The following PRELID2 variants were observed in gnomAD, a reference collection of about 807,000 sequenced individuals.
PRELID2 encodes PRELI domain containing 2.
In PRELID2, 25 loss-of-function variants were observed where a neutral mutation model predicts 28.4. The ratio of observed to expected loss-of-function variants is 0.88; its 90% CI spans 0.64 to 1.23. The LOEUF (loss-of-function observed/expected upper bound fraction) is 1.23. Ranked by LOEUF, PRELID2 falls within the 50% of genes most tolerant of loss-of-function variation. PRELID2 has a pLI of 0.00. For missense variants in PRELID2, 201 were observed against 214.4 expected, an observed-to-expected ratio of 0.94 and a Z score of 0.39; for synonymous variants, 76 against 71.6, an observed-to-expected ratio of 1.06 and a Z score of -0.31.
At chr5:145,306,511 A>T in the PRELID2 span, among the ~76,000 whole-genome samples, 1 of 152,016 alleles carries the variant, frequency 6.6e-6, no homozygotes, top group African/African-American at 2.4e-5. Flanking sequence ...GTTACTTAAA[A>T]GAAAAACATT....
chr5:145,805,243 A>G (rs1753417042), intron 4 of PRELID2, among the ~76,000 whole-genome samples: 1 of 152,160 alleles, frequency 6.6e-6, no homozygotes, highest in Non-Finnish European at 1.5e-5. Flanking sequence ...GCATAAATTC[A>G]GTAGAGCCTT....
At chr5:145,545,145 T>C (rs997554796) in intron 1 of PRELID2, among the ~76,000 whole-genome samples, 1 of 152,128 alleles carries the variant, frequency 6.6e-6, no homozygotes, top group Non-Finnish European at 1.5e-5. Flanking sequence ...ACCTTATAGG[T>C]GAGTATTTTT....
chr5:145,694,315 G>T (rs1755210972), intron 1 of PRELID2, among the ~76,000 whole-genome samples: 1 of 152,218 alleles, frequency 6.6e-6, no homozygotes, highest in Middle Eastern at 3.4e-3. Context: ...GTCTCAATGG[G>T]ATTAAGGGTA....
the PRELID2 span, among the ~76,000 whole-genome samples, chr5:145,374,585 G>T: frequency 1.3e-5 from 2 of 152,076 alleles, no homozygotes; most frequent in African/African-American, 4.8e-5. Flanking sequence ...TTCCCAGTTT[G>T]TTTCCATTCT....
At chr5:145,367,343 T>C in the PRELID2 span, among the ~76,000 whole-genome samples, 1 of 151,946 alleles carries the variant, frequency 6.6e-6, no homozygotes, top group Non-Finnish European at 1.5e-5. Context: ...GAGCAGAAGG[T>C]ACCAAGATTT....
chr5:145,721,764 C>T (rs1228926612), intron 1 of PRELID2, among the ~76,000 whole-genome samples: 2 of 151,986 alleles, frequency 1.3e-5, no homozygotes, highest in Non-Finnish European at 2.9e-5. Context: ...TGGACACAGA[C>T]ATAACAGGAA....
the PRELID2 span, among the ~76,000 whole-genome samples, chr5:145,287,337 T>C: frequency 5.3e-5 from 8 of 152,302 alleles, no homozygotes; most frequent in Admixed American, 3.9e-4. Context: ...ATAAAGGTTA[T>C]ATGAATGTAG....
chr5:145,239,691 T>G, the PRELID2 span, among the ~76,000 whole-genome samples: 1 of 152,024 alleles, frequency 6.6e-6, no homozygotes, highest in Non-Finnish European at 1.5e-5. Context: ...TAGTAAGTTA[T>G]CCATGGAGAT....
At chr5:145,618,900 G>A (rs1191239666) in intron 1 of PRELID2, among the ~76,000 whole-genome samples, 2 of 152,280 alleles carry the variant, frequency 1.3e-5, no homozygotes, top group African/African-American at 4.8e-5. Context: ...GGTCAATGGA[G>A]TTATGTACCT....
intron 2 of PRELID2, among the ~76,000 whole-genome samples, chr5:145,472,665 T>C (rs1033549206): frequency 1.3e-5 from 2 of 152,192 alleles, no homozygotes; most frequent in African/African-American, 4.8e-5. Flanking sequence ...CCTAGTTATG[T>C]GATCTTCAGC....
intron 1 of PRELID2, among the ~76,000 whole-genome samples, chr5:145,592,412 T>G (rs1038274129): frequency 1.3e-4 from 19 of 151,552 alleles, no homozygotes; most frequent in Non-Finnish European, 1.3e-4. Context: ...AGAGCGAGAC[T>G]CTGTCTCAAA....
the PRELID2 span, among the ~76,000 whole-genome samples, chr5:145,442,069 G>C: frequency 6.6e-6 from 1 of 152,178 alleles, no homozygotes; most frequent in East Asian, 1.9e-4. Flanking sequence ...AAGAATAATT[G>C]ATGTCTACTT....
At chr5:145,426,044 C>T in the PRELID2 span, among the ~76,000 whole-genome samples, 5 of 152,120 alleles carry the variant, frequency 3.3e-5, no homozygotes, top group African/African-American at 7.2e-5. Context: ...CTGAATTAAA[C>T]GTGGTGATTG....
At chr5:145,707,907 T>C (rs928133112) in intron 1 of PRELID2, among the ~76,000 whole-genome samples, 6 of 152,178 alleles carry the variant, frequency 3.9e-5, no homozygotes, top group Non-Finnish European at 7.3e-5. Context: ...GCATGCTGCG[T>C]GACCTCAGCC....
At chr5:145,358,137 C>T in the PRELID2 span, among the ~76,000 whole-genome samples, 3 of 152,066 alleles carry the variant, frequency 2.0e-5, no homozygotes, top group South Asian at 2.1e-4. Flanking sequence ...CTTGCTGAGT[C>T]GGCCCTTATC....
intron 1 of PRELID2, among the ~76,000 whole-genome samples, chr5:145,482,938 T>G: frequency 6.6e-6 from 1 of 152,004 alleles, no homozygotes. Flanking sequence ...CAGGCGGTAA[T>G]GCGTGAAATG....
At chr5:145,428,398 C>T in the PRELID2 span, among the ~76,000 whole-genome samples, 2 of 152,038 alleles carry the variant, frequency 1.3e-5, no homozygotes, top group Non-Finnish European at 2.9e-5. Flanking sequence ...CACTTCTAAG[C>T]TTTTCTAGGC....
At chr5:145,780,027 C>T (rs969308097) in intron 5 of PRELID2, among the ~76,000 whole-genome samples, 1 of 152,168 alleles carries the variant, frequency 6.6e-6, no homozygotes, top group East Asian at 1.9e-4. Context: ...AAAATAACAA[C>T]AGGGGCCGGG....
intron 1 of PRELID2, among the ~76,000 whole-genome samples, chr5:145,506,220 A>T (rs1184686734): frequency 6.6e-6 from 1 of 152,002 alleles, no homozygotes; most frequent in African/African-American, 2.4e-5. Context: ...CCTTTTGCTC[A>T]CTCTGCTTCC....
Sources: allele counts gnomAD v4.1 joint callset (sites outside exome capture counted in the v4.1 genomes callset), GRCh38; gene constraint gnomAD v4.1.1; transcripts MANE v1.5; gene names NCBI Gene and HGNC (gene_info 2026-07-23, HGNC 2026-07-21).